Variants in SCAI observed in about 807,000 individuals in gnomAD.
SCAI encodes suppressor of cancer cell invasion.
SCAI carries 24 observed loss-of-function variants against 92.2 expected under a neutral mutation model. The ratio of observed to expected loss-of-function variants is 0.26; its 90% CI spans 0.19 to 0.37. SCAI has a LOEUF of 0.37. Among genes scored for constraint, SCAI ranks in the 10% least tolerant of loss-of-function variants. The pLI, the probability that SCAI is intolerant of heterozygous loss-of-function variation, is 1.00. For synonymous variants in SCAI, 261 were observed against 258.6 expected (o/e 1.01, Z -0.09); for missense variants, 450 against 736.2 (o/e 0.61, Z 4.50).
chr9:124,967,576 C>T (rs1374838640), intron 17 of SCAI, among the ~76,000 whole-genome samples: 6 of 151,642 alleles, frequency 4.0e-5, no homozygotes, highest in Non-Finnish European at 5.9e-5. Context: ...GCTTTTTTTT[C>T]CTCCTTTCTT....
intron 11 of SCAI, among the ~76,000 whole-genome samples, chr9:125,002,440 C>T (rs1832379282): frequency 6.6e-6 from 1 of 151,026 alleles, no homozygotes. Flanking sequence ...TCATAGAGCT[C>T]CTTGACTATA....
At chr9:125,053,334 CA>C (rs966489649) in intron 3 of SCAI, among the ~76,000 whole-genome samples, 1 of 151,372 alleles carries the variant, frequency 6.6e-6, no homozygotes, top group Non-Finnish European at 1.5e-5. Context: ...CACTCTGTCT[CA>C]AAAAAAAGGA....
rs1045476396 is a variant in SCAI at position 125,010,338 on chromosome 9, C to T, written c.862-6768G>A. Among the ~76,000 whole-genome samples the T allele has an allele frequency of 3.9e-5, 6 of 152,326 alleles. No homozygotes were observed. In the East Asian group the frequency reaches 9.6e-4, roughly 24 times the overall value. On this transcript the variant is annotated intron_variant, in intron 9 of 17. Coordinates refer to ENST00000336505, the MANE Select transcript of SCAI (RefSeq NM_001144877.3). ...GGGTCACTTCCACCCCAATACTGCGCTTTTCCGACGGGCTTAAAAAACGGT... is the reference window on the plus strand; with the variant it reads ...GGGTCACTTCCACCCCAATACTGCGTTTTTCCGACGGGCTTAAAAAACGGT...
intron 9 of SCAI, among the ~76,000 whole-genome samples, chr9:125,013,981 G>C (rs373526766): frequency 8.6e-5 from 13 of 150,958 alleles, no homozygotes; most frequent in South Asian, 6.3e-4. Context: ...ATTCAACAAC[G>C]CTTCATGCTA....
rs901398066 is a variant in SCAI at position 124,944,623 on chromosome 9, T to C, written c.*8184A>G. The C allele has an allele frequency of 1.3e-5, 2 of 152,042 alleles. No individual in the cohort carries two copies. The highest frequency in any genetic ancestry group is 2.9e-5 in the Non-Finnish European group (2 of 68,020). The allele number at this position is 152,042 out of a possible 1,614,324, so 9.4% of individuals were successfully genotyped here. A position where few individuals can be genotyped will look rare whatever the true frequency, so the allele number is the denominator to read the frequency against. ...ATTTTTAATTTACCACAGTACATAG[T>C]TTTAATTTAGAAAAAAAGCAATTAG... On this transcript the variant is annotated 3_prime_UTR_variant, in exon 18 of 18. Coordinates refer to ENST00000336505, the MANE Select transcript of SCAI (RefSeq NM_001144877.3).
At chr9:124,971,306 A>G in intron 17 of SCAI, 64 bp downstream of exon 17, 1 of 865,666 alleles carries the variant, frequency 1.2e-6, no homozygotes, top group Non-Finnish European at 1.8e-6. Context: ...CAGGTAAAAT[A>G]TAATACATGG....
At chr9:125,010,468 G>A (rs955402352) in intron 9 of SCAI, among the ~76,000 whole-genome samples, 3 of 152,336 alleles carry the variant, frequency 2.0e-5, no homozygotes, top group Non-Finnish European at 4.4e-5. Context: ...AGGCAGCAGC[G>A]AGGCTGGGGG....
At chr9:125,094,992 C>A (rs1383879588) in intron 2 of SCAI, among the ~76,000 whole-genome samples, 1 of 152,148 alleles carries the variant, frequency 6.6e-6, no homozygotes, top group Non-Finnish European at 1.5e-5. Context: ...GTATTAATTA[C>A]TTTCACACAC....
intron 9 of SCAI, among the ~76,000 whole-genome samples, chr9:125,014,444 G>C (rs1832706761): frequency 6.6e-6 from 1 of 152,126 alleles, no homozygotes; most frequent in African/African-American, 2.4e-5. Flanking sequence ...GCTTCAAAGA[G>C]AATAAAATAC....
At chr9:125,132,904 G>T (rs536514661) in intron 2 of SCAI, among the ~76,000 whole-genome samples, 1 of 152,134 alleles carries the variant, frequency 6.6e-6, no homozygotes, top group Non-Finnish European at 1.5e-5. Flanking sequence ...GGCAGAGGTT[G>T]CAGTAAGCCA....
chr9:125,125,901 C>G (rs547857244), intron 2 of SCAI, among the ~76,000 whole-genome samples: 1 of 113,904 alleles, frequency 8.8e-6, no homozygotes, highest in Non-Finnish European at 1.8e-5. Context: ...TGCATGCGTG[C>G]GTACACGTAC....
At chr9:125,005,186 C>A (rs768591619) in intron 9 of SCAI, among the ~76,000 whole-genome samples, 18 of 151,920 alleles carry the variant, frequency 1.2e-4, no homozygotes, top group Non-Finnish European at 2.1e-4. Context: ...TTATATAGAA[C>A]TTCAGGAACA....
chr9:124,967,787 G>C (rs2131584810), intron 17 of SCAI, among the ~76,000 whole-genome samples: 1 of 152,306 alleles, frequency 6.6e-6, no homozygotes, highest in South Asian at 2.1e-4. Context: ...CATGTGAATT[G>C]CTTTTGACAC....
intron 2 of SCAI, among the ~76,000 whole-genome samples, chr9:125,062,222 C>A (rs1056326729): frequency 4.6e-5 from 7 of 151,358 alleles, no homozygotes; most frequent in Non-Finnish European, 1.0e-4. Context: ...GCTTCCCAGG[C>A]TCAAGCCATC....
chr9:125,139,458 C>A (rs547713845), intron 2 of SCAI, among the ~76,000 whole-genome samples: 1 of 152,094 alleles, frequency 6.6e-6, no homozygotes, highest in Admixed American at 6.5e-5. Context: ...AACAAAAAAC[C>A]AAAGCAAAGA....
At chr9:125,073,944 CTTT>C (rs751030059) in intron 2 of SCAI, among the ~76,000 whole-genome samples, 2 of 142,784 alleles carry the variant, frequency 1.4e-5, no homozygotes. Context: ...TCTCGTTCTC[CTTT>C]TTTTTTTTTT....
At chr9:125,106,107 A>C (rs1205939907) in intron 2 of SCAI, among the ~76,000 whole-genome samples, 1 of 51,890 alleles carries the variant, frequency 1.9e-5, no homozygotes, top group African/African-American at 6.7e-5. Flanking sequence ...AAAAAAAAAA[A>C]AAAAAAAAAA....
At chr9:125,011,373 C>T (rs1832635538) in intron 9 of SCAI, among the ~76,000 whole-genome samples, 1 of 152,098 alleles carries the variant, frequency 6.6e-6, no homozygotes, top group Admixed American at 6.6e-5. Flanking sequence ...GGCTCAAGAA[C>T]TACGTGAAGA....
chr9:125,035,524 C>G (rs1481391573), intron 3 of SCAI, among the ~76,000 whole-genome samples: 1 of 152,038 alleles, frequency 6.6e-6, no homozygotes, highest in African/African-American at 2.4e-5. Context: ...CTTGGTACCA[C>G]TAATTGTCTA....
Sources: allele counts gnomAD v4.1 joint callset (sites outside exome capture counted in the v4.1 genomes callset), GRCh38; gene constraint gnomAD v4.1.1; transcripts MANE v1.5; gene names NCBI Gene and HGNC (gene_info 2026-07-23, HGNC 2026-07-21).